The following ME1 variants were observed in gnomAD, a reference collection of about 807,000 sequenced individuals.
ME1 encodes the protein malic enzyme 1.
Under a neutral mutation model 66.4 loss-of-function variants are expected in ME1, and 74 were observed. The ratio of observed to expected loss-of-function variants is 1.11; its 90% CI spans 0.92 to 1.35. The LOEUF is 1.35. Ranked by LOEUF, ME1 falls within the 40% of genes most tolerant of loss-of-function variation. ME1 has a pLI of 0.00. For synonymous variants in ME1, 251 were observed against 235.6 expected (o/e 1.07, Z -0.60); for missense variants, 750 against 694.1 (o/e 1.08, Z -0.90).
At position 83,319,583 on chromosome 6, in the gene ME1, G is replaced by T. The variant is rs1768114224; in HGVS notation, c.601-4170C>A. The stretch of plus-strand genomic sequence containing the variant: ...TGGGTCCCCAATTTTCTGTAGTCAG[G>T]AAGCAGACTGAGAAAGTTATTCAGC... On this transcript the variant is annotated intron_variant, in intron 5 of 13. Coordinates refer to ENST00000369705, the MANE Select transcript of ME1 (RefSeq NM_002395.6). Among the ~76,000 whole-genome samples the T allele has an allele frequency of 2.6e-5, 4 of 152,134 alleles. No individual in the cohort carries two copies. In the South Asian group the frequency reaches 8.3e-4, roughly 32 times the overall value.
intron 3 of ME1, among the ~76,000 whole-genome samples, chr6:83,384,185 C>T (rs1438382993): frequency 1.3e-5 from 2 of 151,816 alleles, no homozygotes; most frequent in Non-Finnish European, 2.9e-5. Flanking sequence ...TGGGTATATA[C>T]CCAATAATGG....
chr6:83,419,278 G>C (rs981415060), intron 1 of ME1, among the ~76,000 whole-genome samples: 2 of 152,106 alleles, frequency 1.3e-5, no homozygotes, highest in Admixed American at 1.3e-4. Flanking sequence ...AAAAACAAAA[G>C]GTGGTGGGTA....
intron 12 of ME1, among the ~76,000 whole-genome samples, chr6:83,217,917 T>G (rs1444930469): frequency 6.6e-6 from 1 of 152,130 alleles, no homozygotes; most frequent in East Asian, 1.9e-4. Flanking sequence ...CCAGGGACAT[T>G]TAGGCAGAGG....
chr6:83,293,034 C>G (rs1767532492), intron 6 of ME1, among the ~76,000 whole-genome samples: 1 of 152,138 alleles, frequency 6.6e-6, no homozygotes, highest in Admixed American at 6.5e-5. Flanking sequence ...TACCACTCCT[C>G]CAGGTACAGT....
intron 6 of ME1, among the ~76,000 whole-genome samples, chr6:83,272,666 G>A (rs1767105102): frequency 6.6e-6 from 1 of 152,132 alleles, no homozygotes; most frequent in South Asian, 2.1e-4. Context: ...CCAAGGATTA[G>A]ATTCAAACAA....
At chr6:83,290,706 A>G (rs1321350358) in intron 6 of ME1, among the ~76,000 whole-genome samples, 1 of 151,726 alleles carries the variant, frequency 6.6e-6, no homozygotes, top group Non-Finnish European at 1.5e-5. Flanking sequence ...TGTTGATCTA[A>G]TATTGACAGT....
chr6:83,247,188 G>T (rs1323910220), intron 7 of ME1, among the ~76,000 whole-genome samples: 1 of 152,066 alleles, frequency 6.6e-6, no homozygotes, highest in African/African-American at 2.4e-5. Flanking sequence ...TCATGTTACA[G>T]AGTAACTATT....
At chr6:83,430,481 G>A (rs1273461390) in intron 1 of ME1, among the ~76,000 whole-genome samples, 1 of 152,240 alleles carries the variant, frequency 6.6e-6, no homozygotes, top group Non-Finnish European at 1.5e-5. Flanking sequence ...TGTGCAACCA[G>A]TAAGTGAGTG....
intron 3 of ME1, chr6:83,392,956 A>G: frequency 1.2e-6 from 1 of 842,610 alleles, no homozygotes; most frequent in Non-Finnish European, 2.0e-6. Flanking sequence ...GCTGCCACCC[A>G]GAAGACTATG....
chr6:83,232,608 G>C (rs111675793), intron 9 of ME1, among the ~76,000 whole-genome samples: 4 of 152,268 alleles, frequency 2.6e-5, no homozygotes, highest in African/African-American at 9.6e-5. Context: ...AATCAAGCCA[G>C]ATACTTTTTA....
intron 6 of ME1, among the ~76,000 whole-genome samples, chr6:83,276,545 G>C (rs1396193781): frequency 6.6e-6 from 1 of 152,142 alleles, no homozygotes; most frequent in East Asian, 1.9e-4. Context: ...ATTTGGAAAG[G>C]AGTATGATAA....
chr6:83,324,932 A>G (rs1005088205), intron 5 of ME1, among the ~76,000 whole-genome samples: 2 of 152,174 alleles, frequency 1.3e-5, no homozygotes, highest in African/African-American at 2.4e-5. Flanking sequence ...ATTTCAGGCC[A>G]ATATCTCTGA....
At position 83,279,412 on chromosome 6, in the gene ME1, A is replaced by G. The variant is rs186093580; in HGVS notation, c.705-25674T>C. Among the ~76,000 whole-genome samples, 94 of 152,322 alleles carry G rather than the reference A, an allele frequency of 6.2e-4. 2 individuals carry two copies. Among genetic ancestry groups the G allele is most frequent in the Admixed American group, 6.0e-3 (91 of 15,294 alleles). ...TGGGAATTTGAAATAACTATGATTA[A>G]TATGCTAAGTGATCTAAGCAGAGCA... On this transcript the variant is annotated intron_variant, in intron 6 of 13. Transcript: ENST00000369705.
chr6:83,247,167 T>C (rs1790639682), intron 7 of ME1, among the ~76,000 whole-genome samples: 1 of 152,140 alleles, frequency 6.6e-6, no homozygotes, highest in Non-Finnish European at 1.5e-5. Flanking sequence ...CTATGTGCAA[T>C]ATTTAGAGTG....
chr6:83,343,168 T>C (rs1294039761), intron 5 of ME1, among the ~76,000 whole-genome samples: 1 of 152,160 alleles, frequency 6.6e-6, no homozygotes, highest in Non-Finnish European at 1.5e-5. Context: ...CCACCCTCTA[T>C]CCTGACATAC....
At chr6:83,326,894 C>T (rs891743231) in intron 5 of ME1, among the ~76,000 whole-genome samples, 3 of 152,058 alleles carry the variant, frequency 2.0e-5, no homozygotes, top group Admixed American at 6.6e-5. Flanking sequence ...GGTATATACC[C>T]AAAGGATTAT....
At chr6:83,401,907 C>A (rs1769847901) in intron 2 of ME1, among the ~76,000 whole-genome samples, 1 of 152,100 alleles carries the variant, frequency 6.6e-6, no homozygotes, top group South Asian at 2.1e-4. Flanking sequence ...GGAAGGACAA[C>A]TTTTTTTTCT....
At chr6:83,365,874 G>A (rs1162403539) in intron 3 of ME1, among the ~76,000 whole-genome samples, 1 of 152,110 alleles carries the variant, frequency 6.6e-6, no homozygotes, top group Admixed American at 6.5e-5. Flanking sequence ...CAGTGTCTCT[G>A]TCCTCCAGTC....
intron 5 of ME1, among the ~76,000 whole-genome samples, chr6:83,341,055 A>T (rs1036597026): frequency 1.3e-5 from 2 of 151,942 alleles, no homozygotes; most frequent in African/African-American, 4.8e-5. Context: ...AGAAAGACTA[A>T]CCATGTGATC....
Sources: allele counts gnomAD v4.1 joint callset (sites outside exome capture counted in the v4.1 genomes callset), GRCh38; gene constraint gnomAD v4.1.1; transcripts MANE v1.5; gene names NCBI Gene and HGNC (gene_info 2026-07-23, HGNC 2026-07-21).